MAP1S: variants seen among roughly 807,000 people sequenced by gnomAD.
MAP1S encodes microtubule-associated protein 1S.
A neutral mutation model predicts 60.9 loss-of-function variants in MAP1S; 27 were observed. The ratio of observed to expected loss-of-function variants is 0.44; its 90% CI spans 0.33 to 0.61. The LOEUF is 0.61. Among genes scored for constraint, MAP1S ranks in the 20% least tolerant of loss-of-function variants. MAP1S has a pLI of 0.03. For missense variants in MAP1S, 1,608 were observed against 1,486.6 expected (o/e 1.08, Z -1.34); for synonymous variants, 826 against 694.2 (o/e 1.19, Z -2.98).
rs749714749 is a variant in MAP1S, at chr19:17,727,711, G to A, written c.2327G>A (p.Gly776Glu). The change falls in exon 5 of 7, where the codon GGG (glycine) becomes GAG (glutamate). Residue 776 changes from glycine to glutamate, a missense_variant. By Grantham distance (98) the Gly-to-Glu change is moderately conservative. This residue lies in a region of MAP1S where 1,167 missense variants were observed against 961.4 expected (regional missense o/e 1.21). Transcript: ENST00000324096. This position sits in a 1 kb window ranked among gnomAD's most constrained non-coding sequence, Gnocchi z 4.1. ...GCCCGGTCACAGGAACGGGCAGGTG[G>A]GCTGGGGGCCGAGGAGACGCCACCC... ...SSARSQERAG[G>E]LGAEETPPTS... 2.5e-6 allele frequency: 4 copies of A among 1,608,028 alleles called. No individual in the cohort carries two copies. Among genetic ancestry groups the A allele is most frequent in the South Asian group, 1.1e-5 (1 of 90,746 alleles).
chr19:17,720,618 C>T, intron 1 of MAP1S: 1 of 1,063,818 alleles, frequency 9.4e-7, no homozygotes, highest in South Asian at 1.7e-5. Flanking sequence ...GATGGACTTC[C>T]AGGCAGGGGA....
intron 3 of MAP1S, 144 bp downstream of exon 3, chr19:17,724,352 C>T: frequency 1.5e-6 from 1 of 669,336 alleles, no homozygotes; most frequent in East Asian, 2.9e-5. Flanking sequence ...CGAAGCCTTC[C>T]CTGTGGCTTC....
chr19:17,729,063 A>T (rs190768802), intron 5 of MAP1S: 1 of 152,350 alleles, frequency 6.6e-6, no homozygotes, highest in Non-Finnish European at 1.5e-5. Flanking sequence ...AGCGTATTTT[A>T]TGTAACTGAT....
chr19:17,733,198 G>C lies in MAP1S; in HGVS notation c.2794G>C (p.Ala932Pro). Residue 932 changes from alanine (A) to proline (P), a missense_variant, in exon 6 of 7, where the codon GCC (alanine) becomes CCC (proline). Transcript: ENST00000324096. ...KTATRGPSGS[A>P]SSRPGVSATP... Reference sequence around the variant, plus strand: ...CCCCATCCCCCCGCCCGCAGGGTCAGCCAGCAGCCGGCCCGGGGTGTCAGC... The same window carrying C: ...CCCCATCCCCCCGCCCGCAGGGTCACCCAGCAGCCGGCCCGGGGTGTCAGC... 2.0e-6 allele frequency: 3 copies of C among 1,536,688 alleles called. No homozygotes were observed. Among genetic ancestry groups the C allele is most frequent in the Non-Finnish European group, 2.6e-6 (3 of 1,139,468 alleles).
rs2080452165 is a variant in MAP1S at position 17,727,719 on chromosome 19, G to T, written c.2335G>T (p.Ala779Ser). ...ACAGGAACGGGCAGGTGGGCTGGGGGCCGAGGAGACGCCACCCACATCGGT... is the reference window on the plus strand; with the variant it reads ...ACAGGAACGGGCAGGTGGGCTGGGGTCCGAGGAGACGCCACCCACATCGGT... ...RSQERAGGLGAEETPPTSVSE... is the reference protein window; with the variant it reads ...RSQERAGGLGSEETPPTSVSE... Residue 779 changes from alanine to serine, a missense_variant, in exon 5 of 7, where the codon GCC becomes TCC. Ala to Ser is a moderately conservative substitution (Grantham distance 99, BLOSUM62 1). This residue lies in a region of MAP1S where 1,167 missense variants were observed against 961.4 expected (regional missense o/e 1.21). Coordinates refer to ENST00000324096, the MANE Select transcript of MAP1S (RefSeq NM_018174.6). The surrounding 1 kb of genome is among the most constrained non-coding windows in gnomAD (Gnocchi z 4.1). The T allele has an allele frequency of 2.5e-6, 4 of 1,606,548 alleles. No individual in the cohort carries two copies. Among genetic ancestry groups the T allele is most frequent in the Non-Finnish European group, 3.4e-6 (4 of 1,177,028 alleles).
chr19:17,733,052 A>T (rs8102950), intron 5 of MAP1S, 141 bp from the exon 6 acceptor site: 153 of 596,598 alleles, frequency 2.6e-4, no homozygotes, highest in Non-Finnish European at 2.1e-5. Flanking sequence ...TCATGAGCGC[A>T]CCAGGCCTCC....
Position 17,726,448 on chromosome 19 carries a change from C to G in MAP1S, c.1064C>G (p.Ala355Gly). The G allele has an allele frequency of 6.4e-7, 1 of 1,554,380 alleles. No individual in the cohort carries two copies. Among genetic ancestry groups the G allele is most frequent in the African/African-American group, 1.3e-5 (1 of 74,160 alleles). Residue 355 changes from alanine (A) to glycine (G), a missense_variant, in exon 5 of 7, where the codon GCG becomes GGG. Physicochemically the swap from Ala to Gly is moderately conservative, Grantham distance 60. Transcript: ENST00000324096. Reference protein sequence around the residue: ...ASRLARGEDEAELALSLLAQL... With the variant: ...ASRLARGEDEGELALSLLAQL... ...CGGCTGGCGCGCGGCGAGGATGAGG[C>G]GGAGCTGGCGCTGAGCCTCCTGGCG...
intron 5 of MAP1S, among the ~76,000 whole-genome samples, chr19:17,730,130 C>T (rs948900534): frequency 1.3e-5 from 2 of 152,204 alleles, no homozygotes; most frequent in South Asian, 2.1e-4. Flanking sequence ...TTGGATGAAC[C>T]GCCAGACTGT....
intron 6 of MAP1S, among the ~76,000 whole-genome samples, chr19:17,733,890 C>G (rs1251293701): frequency 1.3e-5 from 2 of 152,204 alleles, no homozygotes; most frequent in Non-Finnish European, 2.9e-5. Flanking sequence ...AGCTGCTAGG[C>G]TGGCTTCAAA....
intron 5 of MAP1S, 121 bp from the exon 6 acceptor site, chr19:17,733,070 ACT>A: frequency 6.4e-6 from 4 of 624,684 alleles, no homozygotes; most frequent in Non-Finnish European, 8.3e-6. Context: ...TCCCCAGAAA[ACT>A]CTGAGTTCAG....
intron 6 of MAP1S, among the ~76,000 whole-genome samples, chr19:17,733,828 T>C (rs3787026): frequency 0.52 from 78,809 of 152,068 alleles, 21,534 homozygotes; most frequent in African/African-American, 0.64. Context: ...CAGGGCGAGG[T>C]GCATGTGGGC....
chr19:17,720,611 G>A, intron 1 of MAP1S: 1 of 1,119,348 alleles, frequency 8.9e-7, no homozygotes, highest in Non-Finnish European at 1.2e-6. Flanking sequence ...GCAGGGGGAT[G>A]GACTTCCAGG....
chr19:17,728,313 G>C (rs944040843), intron 5 of MAP1S, 141 bp downstream of exon 5: 3 of 963,294 alleles, frequency 3.1e-6, no homozygotes, highest in Admixed American at 6.1e-5. Context: ...GCAGTGGTGT[G>C]GTCACAGCTC....
chr19:17,729,869 G>T (rs537955323), intron 5 of MAP1S, among the ~76,000 whole-genome samples: 2 of 152,230 alleles, frequency 1.3e-5, no homozygotes, highest in South Asian at 4.1e-4. Context: ...CACCATGCTG[G>T]TCAGGCCGGT....
At chr19:17,720,601 G>T in intron 1 of MAP1S, 1 of 1,225,510 alleles carries the variant, frequency 8.2e-7, no homozygotes, top group Non-Finnish European at 1.1e-6. Context: ...GGTGGGGGCG[G>T]CAGGGGGATG....
rs1568297452 is a variant in MAP1S, at chr19:17,734,438, CG to C, written c.*11del. On this transcript the variant is annotated 3_prime_UTR_variant, in exon 7 of 7. Coordinates refer to ENST00000324096, the MANE Select transcript of MAP1S (RefSeq NM_018174.6). ...CAAGGTGGAGTTCTAGCCCCATCGC[CG>C]ACACGCCCCCCACTCAGCCCAGCCC... 1 of 1,600,178 alleles carries C rather than the reference CG, an allele frequency of 6.2e-7. No homozygotes were observed. The highest frequency in any genetic ancestry group is 1.7e-5 in the Admixed American group (1 of 59,522).
At chr19:17,722,478 G>A (rs1360082152) in intron 2 of MAP1S, among the ~76,000 whole-genome samples, 1 of 95,592 alleles carries the variant, frequency 1.0e-5, no homozygotes, top group African/African-American at 4.1e-5. Flanking sequence ...GCCTGACATG[G>A]TGGCTCACAC....
intron 1 of MAP1S, chr19:17,720,460 TGAG>T (rs1408893420): frequency 6.5e-7 from 1 of 1,530,566 alleles, no homozygotes. Context: ...CCAAAGCGAG[TGAG>T]GAGATGGAAC....
Position 17,726,676 on chromosome 19 carries a change from T to A in MAP1S, c.1292T>A (p.Leu431Gln). ...AGPGEKVVRV[L>Q]FPGCTPPACL... ...CCCGGCGAGAAGGTGGTGCGCGTGC[T>A]GTTCCCCGGTTGCACCCCGCCCGCC... Residue 431 changes from leucine (L) to glutamine (Q), a missense_variant, in exon 5 of 7, where the codon CTG becomes CAG. Coordinates refer to ENST00000324096, the MANE Select transcript of MAP1S (RefSeq NM_018174.6). The A allele has an allele frequency of 6.3e-7, 1 of 1,583,680 alleles. No homozygotes were observed. The highest frequency in any genetic ancestry group is 8.6e-7 in the Non-Finnish European group (1 of 1,168,948).
Sources: gnomAD v4.1 joint callset for allele counts (sites outside exome capture counted in the v4.1 genomes callset) on GRCh38, gnomAD v4.1.1 for gene constraint, gnomAD v4.1.1 regional missense constraint, Gnocchi (gnomAD v3.1) non-coding constraint, MANE v1.5 for transcripts, NCBI Gene and HGNC (gene_info 2026-07-23, HGNC 2026-07-21) for gene names.